SULF2: variants seen among roughly 807,000 people sequenced by gnomAD.
The protein encoded by SULF2 is sulfatase 2.
In SULF2, 52 loss-of-function variants were observed where a neutral mutation model predicts 107.7. That is an observed-to-expected ratio of 0.48 (90% confidence interval 0.39 to 0.61). SULF2 has a LOEUF of 0.61. Ranked by LOEUF, SULF2 falls within the 20% of genes least tolerant of loss-of-function variation. The pLI, the probability that SULF2 is intolerant of heterozygous loss-of-function variation, is 0.00. For synonymous variants in SULF2, 460 were observed against 464.3 expected, an observed-to-expected ratio of 0.99 and a Z score of 0.12; for missense variants, 993 against 1,177.3, an observed-to-expected ratio of 0.84 and a Z score of 2.29.
At chr20:47,781,601 T>C (rs1380410510) in intron 1 of SULF2, among the ~76,000 whole-genome samples, 7 of 152,196 alleles carry the variant, frequency 4.6e-5, no homozygotes, top group Non-Finnish European at 1.0e-4. Flanking sequence ...CCATGACATC[T>C]GTCCTGACAC....
chr20:47,682,628 G>C (rs905079272), intron 7 of SULF2, among the ~76,000 whole-genome samples: 1 of 152,168 alleles, frequency 6.6e-6, no homozygotes, highest in African/African-American at 2.4e-5. Flanking sequence ...TGCCTGTGCT[G>C]TGGTCCGGGG....
At chr20:47,777,973 CA>C (rs11322737) in intron 1 of SULF2, among the ~76,000 whole-genome samples, 19,203 of 132,334 alleles carry the variant, frequency 0.15, 1,313 homozygotes, top group South Asian at 0.18. Flanking sequence ...TCATCTCTAC[CA>C]AAAAAAAAAA....
intron 17 of SULF2, among the ~76,000 whole-genome samples, chr20:47,662,220 TATC>T (rs1465823769): frequency 6.6e-6 from 1 of 152,200 alleles, no homozygotes; most frequent in Admixed American, 6.5e-5. Context: ...GTCTTGGTTT[TATC>T]AGCAGCCTTC....
At chr20:47,681,363 A>G (rs1420121523) in intron 7 of SULF2, among the ~76,000 whole-genome samples, 1 of 152,134 alleles carries the variant, frequency 6.6e-6, no homozygotes, top group African/African-American at 2.4e-5. Context: ...CCCAAACCTG[A>G]CATGAGCACT....
chr20:47,768,882 G>GT (rs11473246), intron 1 of SULF2, among the ~76,000 whole-genome samples: 6,879 of 127,372 alleles, frequency 0.054, 335 homozygotes, highest in Admixed American at 0.081. Context: ...TTGTGTGCGT[G>GT]TTTTTTTTTT....
At chr20:47,755,686 C>T (rs1013265991) in intron 2 of SULF2, among the ~76,000 whole-genome samples, 4 of 152,192 alleles carry the variant, frequency 2.6e-5, no homozygotes, top group Non-Finnish European at 5.9e-5. Context: ...TCTGCCCTTA[C>T]CCCTGCGATT....
intron 3 of SULF2, among the ~76,000 whole-genome samples, chr20:47,723,786 C>G (rs1199438146): frequency 6.6e-6 from 1 of 152,160 alleles, no homozygotes; most frequent in Non-Finnish European, 1.5e-5. Flanking sequence ...CCCACTGATT[C>G]TACATTATAG....
At position 47,757,276 on chromosome 20, in the gene SULF2, G is replaced by A. The variant is rs542814912; in HGVS notation, c.88C>T (p.Arg30Cys). 8 of 1,585,872 alleles carry A rather than the reference G, an allele frequency of 5.0e-6. No homozygotes were observed. The highest frequency in any genetic ancestry group is 1.8e-5 in the Admixed American group (1 of 56,100). Residue 30 changes from arginine to cysteine, a missense_variant, in exon 2 of 21, where the codon CGC becomes TGC. Coordinates refer to ENST00000688720, the MANE Select transcript of SULF2 (RefSeq NM_001387048.1). ...GGSSAFLSHH[R>C]LKGRFQRDRR... The stretch of plus-strand genomic sequence containing the variant: ...TCCCTCTGAAACCTGCCTTTCAGGC[G>A]GTGGTGCGACAGGAAGGCCGAGCTT...
intron 2 of SULF2, among the ~76,000 whole-genome samples, chr20:47,755,849 G>C (rs58692538): frequency 0.25 from 38,296 of 150,924 alleles, 5,710 homozygotes; most frequent in Non-Finnish European, 0.34. Context: ...CCCGGGCCAA[G>C]TCAGCTCCTC....
chr20:47,665,186 G>GCTA lies in SULF2; in HGVS notation c.1997+10_1997+12dup, dbSNP rs750878282. Reference sequence around the variant, plus strand: ...AGTGGGGTCTTAGGGAGGTCCCTTTGCTACTGCCTCACCTGATTTTGTGAC... The same window carrying GCTA: ...AGTGGGGTCTTAGGGAGGTCCCTTTGCTACTACTGCCTCACCTGATTTTGTGAC... On this transcript the variant is annotated intron_variant, in intron 14 of 20. Coordinates refer to ENST00000688720, the MANE Select transcript of SULF2 (RefSeq NM_001387048.1). 5 of 1,596,474 alleles carry GCTA rather than the reference G, an allele frequency of 3.1e-6. No individual in the cohort carries two copies. In the South Asian group the frequency reaches 5.5e-5, roughly 18 times the overall value.
intron 1 of SULF2, among the ~76,000 whole-genome samples, chr20:47,781,441 T>C (rs2090832140): frequency 6.6e-6 from 1 of 152,214 alleles, no homozygotes; most frequent in African/African-American, 2.4e-5. Flanking sequence ...CTTAAGCCAA[T>C]TGTTGGCAAC....
At chr20:47,684,199 G>A in intron 6 of SULF2, 1 of 443,838 alleles carries the variant, frequency 2.3e-6, no homozygotes, top group Non-Finnish European at 4.0e-6. Context: ...AATATAACTA[G>A]CATATATGGT....
At chr20:47,706,341 C>T (rs546082763) in intron 3 of SULF2, among the ~76,000 whole-genome samples, 11 of 152,188 alleles carry the variant, frequency 7.2e-5, no homozygotes, top group South Asian at 4.2e-4. Context: ...GTACCTCCTC[C>T]GAGGGGGACA....
Position 47,683,025 on chromosome 20 carries a change from C to G in SULF2, c.1033G>C (p.Val345Leu). The change falls in exon 7 of 21, where the codon GTG becomes CTG. Residue 345 changes from valine to leucine, a missense_variant. Val to Leu is a conservative substitution (Grantham distance 32). Coordinates refer to ENST00000688720, the MANE Select transcript of SULF2 (RefSeq NM_001387048.1). ...YEFDIRVPFYVRGPNVEAGCL... is the reference protein window; with the variant it reads ...YEFDIRVPFYLRGPNVEAGCL... ...CCGGCTTCCACGTTGGGGCCCCTCA[C>G]GTAGAACGGGACCCTGATGTCAAAC... 1.9e-6 allele frequency: 3 copies of G among 1,612,368 alleles called. No homozygotes were observed. Among genetic ancestry groups the G allele is most frequent in the Non-Finnish European group, 2.5e-6 (3 of 1,179,106 alleles).
Position 47,666,564 on chromosome 20 carries a change from A to C in SULF2, c.1577-76T>G. On this transcript the variant is annotated intron_variant, in intron 11 of 20. Transcript: ENST00000688720. The surrounding 1 kb of genome is among the most constrained non-coding windows in gnomAD (Gnocchi z 5.4). Reference sequence around the variant, plus strand: ...AGGCTCCCAGGGCAGTGGGTCCTTCATCAAGATAGGGCCGGGCTTCCAAGC... The same window carrying C: ...AGGCTCCCAGGGCAGTGGGTCCTTCCTCAAGATAGGGCCGGGCTTCCAAGC... 2 of 1,199,866 alleles carry C rather than the reference A, an allele frequency of 1.7e-6. No homozygotes were observed. The highest frequency in any genetic ancestry group is 1.3e-5 in the South Asian group (1 of 75,748). The allele number at this position is 1,199,866 out of a possible 1,614,324, so 74.3% of individuals were successfully genotyped here.
rs747370055 is a variant in SULF2 at position 47,672,435 on chromosome 20, C to A, written c.1381-42G>T. 92 of 1,498,244 alleles carry A rather than the reference C, an allele frequency of 6.1e-5. 1 individual carries two copies. The South Asian group carries it at 1.1e-3, about 18-fold the overall frequency. 92.8% of individuals were successfully genotyped at this position (1,498,244 alleles called of 1,614,324 possible). On this transcript the variant is annotated intron_variant, in intron 10 of 20. Coordinates refer to ENST00000688720, the MANE Select transcript of SULF2 (RefSeq NM_001387048.1). The stretch of plus-strand genomic sequence containing the variant: ...GGCCTCGGCCAGCTGCTCATCTGCT[C>A]CCCTAAACCCGCCTCTCCCCTGCCA...
At chr20:47,708,478 T>A (rs2088821022) in intron 3 of SULF2, among the ~76,000 whole-genome samples, 1 of 152,210 alleles carries the variant, frequency 6.6e-6, no homozygotes, top group Non-Finnish European at 1.5e-5. Context: ...GAACATTGCA[T>A]GCCAGATTTT....
chr20:47,687,155 G>A (rs781295946), intron 5 of SULF2, among the ~76,000 whole-genome samples: 54 of 152,342 alleles, frequency 3.5e-4, no homozygotes, highest in Non-Finnish European at 6.3e-4. Context: ...CGAGAACAGT[G>A]AGGGGTGACT....
intron 17 of SULF2, 121 bp from the exon 18 acceptor site, chr20:47,662,017 C>A (rs993532735): frequency 1.2e-5 from 12 of 1,042,930 alleles, no homozygotes; most frequent in Non-Finnish European, 1.4e-5. Flanking sequence ...GGGCTGGTGA[C>A]CTGTTTACTC....
Sources: gnomAD v4.1 joint callset for allele counts (sites outside exome capture counted in the v4.1 genomes callset) on GRCh38, gnomAD v4.1.1 for gene constraint, Gnocchi (gnomAD v3.1) non-coding constraint, MANE v1.5 for transcripts, NCBI Gene and HGNC (gene_info 2026-07-23, HGNC 2026-07-21) for gene names.